Variants in FAT3 observed in about 807,000 individuals in gnomAD.
FAT3 encodes the protein protocadherin Fat 3.
FAT3 carries 95 observed loss-of-function variants against 310.2 expected under a neutral mutation model. The ratio of observed to expected loss-of-function variants is 0.31; its 90% CI spans 0.26 to 0.36. The LOEUF (loss-of-function observed/expected upper bound fraction) is 0.36. Ranked by LOEUF, FAT3 falls within the 10% of genes least tolerant of loss-of-function variation. FAT3 has a pLI of 1.00. For missense variants in FAT3, 5,408 were observed against 5,715.6 expected, an observed-to-expected ratio of 0.95 and a Z score of 1.74; for synonymous variants, 2,314 against 2,192.9, an observed-to-expected ratio of 1.06 and a Z score of -1.54.
At chr11:92,628,628 C>G (rs1199145742) in intron 3 of FAT3, among the ~76,000 whole-genome samples, 1 of 152,216 alleles carries the variant, frequency 6.6e-6, no homozygotes, top group African/African-American at 2.4e-5. Context: ...GTACCTATGT[C>G]TATTATCTGT....
intron 7 of FAT3, among the ~76,000 whole-genome samples, chr11:92,784,217 T>G (rs1386401603): frequency 6.6e-6 from 1 of 152,260 alleles, no homozygotes; most frequent in Non-Finnish European, 1.5e-5. Context: ...GAAATGAATG[T>G]GATACAGATT....
intron 3 of FAT3, among the ~76,000 whole-genome samples, chr11:92,632,670 C>T (rs1941597753): frequency 1.3e-5 from 2 of 152,318 alleles, no homozygotes; most frequent in South Asian, 4.1e-4. Context: ...CACATTCCCA[C>T]AGTGGAACTC....
Position 92,518,670 on chromosome 11 carries a change from A to G in FAT3, c.3293-5964A>G, listed in dbSNP as rs142032767. 3.2e-4 allele frequency among the ~76,000 whole-genome samples: 49 copies of G among 152,152 alleles called. No homozygotes were observed. In the East Asian group the frequency reaches 8.7e-3, roughly 27 times the overall value. On this transcript the variant is annotated intron_variant, in intron 2 of 27. Coordinates refer to ENST00000525166, the MANE Select transcript of FAT3 (RefSeq NM_001367949.2). The stretch of plus-strand genomic sequence containing the variant: ...GAACTTAAAGTATAACAATAAAAAA[A>G]AAAATTGGTTAGAACTAATAAGTAA...
chr11:92,873,843 C>T lies in FAT3; in HGVS notation c.12127+6634C>T, dbSNP rs568838360. 2.4e-4 allele frequency among the ~76,000 whole-genome samples: 36 copies of T among 152,288 alleles called. No homozygotes were observed. The Middle Eastern group carries it at 0.01, about 43-fold the overall frequency. ...TGAGGGGAAAGAAGCTATGACTTTT[C>T]GGTACATGTATCTCCACACTAGTAG... On this transcript the variant is annotated intron_variant, in intron 22 of 27. Transcript: ENST00000525166.
chr11:92,691,021 C>A (rs1676318306), intron 3 of FAT3, among the ~76,000 whole-genome samples: 1 of 152,174 alleles, frequency 6.6e-6, no homozygotes, highest in Non-Finnish European at 1.5e-5. Context: ...TATAACACAG[C>A]ATGTATTGTT....
At chr11:92,499,364 A>C (rs1223906597) in intron 2 of FAT3, among the ~76,000 whole-genome samples, 1 of 152,086 alleles carries the variant, frequency 6.6e-6, no homozygotes, top group Non-Finnish European at 1.5e-5. Flanking sequence ...CATGTATTTT[A>C]TTATATAAAG....
intron 2 of FAT3, among the ~76,000 whole-genome samples, chr11:92,449,167 C>T (rs890273270): frequency 2.5e-4 from 38 of 152,152 alleles, no homozygotes; most frequent in African/African-American, 8.0e-4. Context: ...AAGCATCACT[C>T]CTCTCAGCCT....
At chr11:92,552,677 C>T (rs1297071950) in intron 3 of FAT3, among the ~76,000 whole-genome samples, 1 of 151,996 alleles carries the variant, frequency 6.6e-6, no homozygotes, top group Admixed American at 6.5e-5. Flanking sequence ...ATCTTAAAGT[C>T]TCAGGATTTG....
intron 3 of FAT3, among the ~76,000 whole-genome samples, chr11:92,694,426 G>T (rs1009135786): frequency 1.3e-5 from 2 of 152,202 alleles, no homozygotes; most frequent in Admixed American, 1.3e-4. Flanking sequence ...TGTTGTTTCA[G>T]ACTTTTCAGG....
intron 1 of FAT3, among the ~76,000 whole-genome samples, chr11:92,256,541 C>G (rs2134292231): frequency 6.6e-6 from 1 of 152,000 alleles, no homozygotes; most frequent in South Asian, 2.1e-4. Flanking sequence ...AATTAGAAAA[C>G]CAAAGTGTGA....
At chr11:92,246,962 G>C (rs1173861307) in intron 1 of FAT3, among the ~76,000 whole-genome samples, 2 of 152,116 alleles carry the variant, frequency 1.3e-5, no homozygotes, top group Non-Finnish European at 2.9e-5. Flanking sequence ...ATGAAACTAA[G>C]ACTGATACAT....
intron 2 of FAT3, among the ~76,000 whole-genome samples, chr11:92,411,058 TA>T (rs1950248561): frequency 7.0e-6 from 1 of 143,386 alleles, no homozygotes. Context: ...AATATATATA[TA>T]AATATATATA....
intron 6 of FAT3, among the ~76,000 whole-genome samples, chr11:92,770,369 C>T (rs1474145896): frequency 1.3e-5 from 2 of 152,122 alleles, no homozygotes; most frequent in African/African-American, 4.8e-5. Flanking sequence ...CCTGGTGTCC[C>T]CTGTCTTCCA....
At chr11:92,780,989 G>A (rs979730338) in intron 7 of FAT3, among the ~76,000 whole-genome samples, 8 of 151,518 alleles carry the variant, frequency 5.3e-5, no homozygotes, top group African/African-American at 1.9e-4. Context: ...AGAGTTAATG[G>A]ATGAAAATAC....
At chr11:92,237,261 G>A (rs1318352206) in intron 1 of FAT3, among the ~76,000 whole-genome samples, 1 of 152,124 alleles carries the variant, frequency 6.6e-6, no homozygotes, top group Non-Finnish European at 1.5e-5. Flanking sequence ...TTGATCCTTT[G>A]CTTCCATGCA....
intron 1 of FAT3, among the ~76,000 whole-genome samples, chr11:92,343,230 A>G (rs1948315361): frequency 6.6e-6 from 1 of 152,190 alleles, no homozygotes; most frequent in Non-Finnish European, 1.5e-5. Context: ...GGAAAAAGCT[A>G]GAATTTACAG....
Position 92,798,881 on chromosome 11 carries a change from G to A in FAT3, c.5868G>A (p.Lys1956=), listed in dbSNP as rs772914053. ...AGGATCACTACATGCTGATAGTTAA[G>A]GTGTCTGATGGAAAGTTCTACAGTA... ...LSKDHYMLIV[K]VSDGKFYSTS... Residue 1956 remains lysine, a synonymous_variant, in exon 10 of 28, where the codon AAG becomes AAA. Transcript: ENST00000525166. 6.2e-7 allele frequency: 1 copy of A among 1,613,918 alleles called. No individual in the cohort carries two copies. Among genetic ancestry groups the A allele is most frequent in the East Asian group, 2.2e-5 (1 of 44,880 alleles).
At chr11:92,840,541 A>C (rs1176522949) in intron 17 of FAT3, 21 bp from the exon 18 acceptor site, 1 of 1,524,978 alleles carries the variant, frequency 6.6e-7, no homozygotes, top group Non-Finnish European at 8.9e-7. Flanking sequence ...CTTCATTTTT[A>C]CTATATACTC....
chr11:92,780,608 T>TA (rs1946721507), intron 7 of FAT3, among the ~76,000 whole-genome samples: 1 of 152,204 alleles, frequency 6.6e-6, no homozygotes, highest in African/African-American at 2.4e-5. Flanking sequence ...CCTGTTCTCT[T>TA]AACCACTACA....
Sources: allele counts gnomAD v4.1 joint callset (sites outside exome capture counted in the v4.1 genomes callset), GRCh38; gene constraint gnomAD v4.1.1; transcripts MANE v1.5; gene names NCBI Gene and HGNC (gene_info 2026-07-23, HGNC 2026-07-21).